P2RX7: variants seen among roughly 807,000 people sequenced by gnomAD.
P2RX7 encodes the protein P2X purinoceptor 7.
P2RX7 carries 62 observed loss-of-function variants against 71.6 expected under a neutral mutation model. The observed-to-expected ratio is 0.87, with a 90% confidence interval of 0.71 to 1.07. The LOEUF (loss-of-function observed/expected upper bound fraction) is 1.07, where lower values mean the gene tolerates loss of function less well. Ranked by LOEUF, P2RX7 falls within the 50% of genes least tolerant of loss-of-function variation. P2RX7 has a pLI of 0.00. For synonymous variants in P2RX7, 299 were observed against 283.3 expected, an observed-to-expected ratio of 1.06 and a Z score of -0.56; for missense variants, 686 against 748.5, an observed-to-expected ratio of 0.92 and a Z score of 0.97.
chr12:121,173,560 C>T (rs996400843), intron 8 of P2RX7, among the ~76,000 whole-genome samples: 6 of 152,182 alleles, frequency 3.9e-5, no homozygotes, highest in Non-Finnish European at 5.9e-5. Context: ...CAGGCCATGC[C>T]ATGCTAGACA....
chr12:121,157,062 G>A (rs1227186291), intron 3 of P2RX7, among the ~76,000 whole-genome samples: 1 of 152,180 alleles, frequency 6.6e-6, no homozygotes, highest in Non-Finnish European at 1.5e-5. Flanking sequence ...TCTTAAACCA[G>A]CTTTTCTTCT....
Position 121,166,072 on chromosome 12 carries a change from CA to C in P2RX7, c.630del (p.Gly211ValfsTer2), listed in dbSNP as rs767813185. 9 of 1,612,982 alleles carry C rather than the reference CA, an allele frequency of 5.6e-6. No homozygotes were observed. The Admixed American group carries it at 1.5e-4, about 27-fold the overall frequency. ...GHNYTTRNIL[P>X]GLNITCTFHK... ...ATTATGCACAGGAGAAACATCCTGC[CA>C]GGTTTAAACATCACTTGTACCTTCC... On this transcript the variant is annotated frameshift_variant, in exon 7 of 13. Coordinates refer to ENST00000328963, the MANE Select transcript of P2RX7 (RefSeq NM_002562.6). LOFTEE classifies it high-confidence loss of function.
chr12:121,177,331 A>T lies in P2RX7; in HGVS notation c.1073A>T (p.Tyr358Phe). Residue 358 changes from tyrosine (Y) to phenylalanine (F), a missense_variant, in exon 11 of 13, where the codon TAC becomes TTC. Transcript: ENST00000328963. ...AVFIDFLIDT[Y>F]SSNCCRSHIY... ...TTCATCGACTTCCTCATCGACACTTACTCCAGTAACTGCTGTCGCTCCCAT... is the reference window on the plus strand; with the variant it reads ...TTCATCGACTTCCTCATCGACACTTTCTCCAGTAACTGCTGTCGCTCCCAT... 2.5e-6 allele frequency: 4 copies of T among 1,613,856 alleles called. No individual in the cohort carries two copies. The highest frequency in any genetic ancestry group is 3.4e-6 in the Non-Finnish European group (4 of 1,179,978).
chr12:121,136,313 A>G (rs554917459), intron 1 of P2RX7, among the ~76,000 whole-genome samples: 2 of 151,550 alleles, frequency 1.3e-5, no homozygotes, highest in South Asian at 4.2e-4. Context: ...GGCCCAGCAT[A>G]CAATCTTTTT....
rs145975144 is a variant in P2RX7, at chr12:121,165,909, G to A, written c.615-149G>A. The stretch of plus-strand genomic sequence containing the variant: ...ACACAGATCAACCCTGGTCCAGTGT[G>A]AGAGGCCACTGCCCAGGGGTCCCAG... On this transcript the variant is annotated intron_variant, in intron 6 of 12. Coordinates refer to ENST00000328963, the MANE Select transcript of P2RX7 (RefSeq NM_002562.6). 1.7e-5 allele frequency: 12 copies of A among 720,918 alleles called. No individual in the cohort carries two copies. The African/African-American group carries it at 1.8e-4, about 11-fold the overall frequency. The allele number at this position is 720,918 out of a possible 1,614,324, so 44.7% of individuals were successfully genotyped here. A position where few individuals can be genotyped will look rare whatever the true frequency, so the allele number is the denominator to read the frequency against.
chr12:121,180,571 T>A, intron 12 of P2RX7, 116 bp downstream of exon 12: 1 of 539,880 alleles, frequency 1.9e-6, no homozygotes, highest in Non-Finnish European at 3.3e-6. Flanking sequence ...GTAAACATAC[T>A]CATATAACCG....
intron 4 of P2RX7, among the ~76,000 whole-genome samples, chr12:121,161,179 G>A (rs1879604261): frequency 6.6e-6 from 1 of 152,138 alleles, no homozygotes; most frequent in Admixed American, 6.5e-5. Context: ...GTTTTCCAGT[G>A]AGAGAAGAAG....
chr12:121,164,645 G>C (rs540244847), intron 5 of P2RX7, among the ~76,000 whole-genome samples: 34 of 152,246 alleles, frequency 2.2e-4, no homozygotes, highest in African/African-American at 6.3e-4. Flanking sequence ...AGCCAGGTGT[G>C]GTGGCACACG....
intron 5 of P2RX7, 134 bp downstream of exon 5, chr12:121,162,654 G>C: frequency 2.1e-6 from 2 of 936,186 alleles, no homozygotes; most frequent in Non-Finnish European, 3.2e-6. Context: ...GGACCCCTGC[G>C]CTCTGGATGC....
intron 1 of P2RX7, among the ~76,000 whole-genome samples, chr12:121,148,577 G>A (rs563218102): frequency 6.6e-6 from 1 of 152,110 alleles, no homozygotes; most frequent in African/African-American, 2.4e-5. Flanking sequence ...ACTGACTTTA[G>A]GAGTCTGACC....
In P2RX7 at chr12:121,154,818, G is replaced by GA; in HGVS notation, c.162dup (p.Glu55ArgfsTer35). The GA allele has an allele frequency of 6.2e-7, 1 of 1,614,152 alleles. No individual in the cohort carries two copies. Among genetic ancestry groups the GA allele is most frequent in the Non-Finnish European group, 8.5e-7 (1 of 1,179,980 alleles). ...TGGTGAGTGACAAGCTGTACCAGCG[G>GA]AAAGAGCCTGTCATCAGTTCTGTGC... On this transcript the variant is annotated frameshift_variant, in exon 2 of 13. Coordinates refer to ENST00000328963, the MANE Select transcript of P2RX7 (RefSeq NM_002562.6). LOFTEE classifies it high-confidence loss of function. This position sits in a 1 kb window ranked among gnomAD's most constrained non-coding sequence, Gnocchi z 4.2.
chr12:121,171,614 G>C (rs1041776302), intron 8 of P2RX7, among the ~76,000 whole-genome samples: 1 of 152,048 alleles, frequency 6.6e-6, no homozygotes, highest in African/African-American at 2.4e-5. Context: ...ACAGCCACTA[G>C]GGATTAGATA....
chr12:121,164,453 T>C (rs1338183794), intron 5 of P2RX7, among the ~76,000 whole-genome samples: 1 of 152,184 alleles, frequency 6.6e-6, no homozygotes, highest in African/African-American at 2.4e-5. Flanking sequence ...CCACAGTAAA[T>C]GCCACTGGGT....
rs1405093814 is a variant in P2RX7 at position 121,184,779 on chromosome 12, A to T, written c.1765A>T (p.Ser589Cys). ...KEFPKSEGQY[S>C]GFKSPY ...GTTTCCGAAGAGTGAAGGGCAGTAC[A>T]GTGGCTTCAAGAGTCCTTACTGAAG... Residue 589 changes from serine to cysteine, a missense_variant, in exon 13 of 13, where the codon AGT becomes TGT. Coordinates refer to ENST00000328963, the MANE Select transcript of P2RX7 (RefSeq NM_002562.6). The T allele has an allele frequency of 6.5e-7, 1 of 1,548,586 alleles. No homozygotes were observed. Among genetic ancestry groups the T allele is most frequent in the East Asian group, 2.4e-5 (1 of 40,868 alleles).
chr12:121,184,197 AC>A, intron 12 of P2RX7, 107 bp from the exon 13 acceptor site: 1 of 1,316,354 alleles, frequency 7.6e-7, no homozygotes, highest in Non-Finnish European at 1.0e-6. Flanking sequence ...AATGACGGCT[AC>A]TATAAATCAT....
At chr12:121,165,220 C>G (rs1880753859) in intron 5 of P2RX7, 137 bp from the exon 6 acceptor site, 1 of 646,020 alleles carries the variant, frequency 1.5e-6, no homozygotes, top group African/African-American at 1.8e-5. Flanking sequence ...GCTTTGCCCA[C>G]TAGGTTTGCT....
intron 5 of P2RX7, among the ~76,000 whole-genome samples, chr12:121,163,587 AGATAGACAGGTAG>A (rs1880309596): frequency 4.9e-5 from 7 of 144,320 alleles, no homozygotes; most frequent in South Asian, 2.3e-4. Context: ...GATAATAGAT[AGATAGACAGGTAG>A]ATAGATAGAT....
chr12:121,167,677 GA>G (rs1400156668), intron 8 of P2RX7, 53 bp downstream of exon 8: 7 of 1,439,936 alleles, frequency 4.9e-6, no homozygotes, highest in Non-Finnish European at 6.4e-6. Context: ...GCATTCCCAG[GA>G]ACTGGTGAGA....
intron 8 of P2RX7, among the ~76,000 whole-genome samples, chr12:121,174,048 CTTTTTTTT>C (rs141344773): frequency 2.7e-5 from 2 of 73,912 alleles, no homozygotes; most frequent in African/African-American, 1.1e-4. Flanking sequence ...CTTTTCTTTT[CTTTTTTTT>C]TTTTTTTTTT....
Sources: gnomAD v4.1 joint callset for allele counts (sites outside exome capture counted in the v4.1 genomes callset) on GRCh38, gnomAD v4.1.1 for gene constraint, Gnocchi (gnomAD v3.1) non-coding constraint, MANE v1.5 for transcripts, NCBI Gene and HGNC (gene_info 2026-07-23, HGNC 2026-07-21) for gene names.